Variants in RASA1 observed in about 807,000 individuals in gnomAD.
The protein encoded by RASA1 is RAS p21 protein activator 1, also known as ras GTPase-activating protein 1.
A neutral mutation model predicts 132.2 loss-of-function variants in RASA1; 25 were observed. The observed-to-expected ratio is 0.19, with a 90% CI of 0.14 to 0.26. RASA1 has a LOEUF of 0.26. Ranked by LOEUF, RASA1 falls within the 10% of genes least tolerant of loss-of-function variation. The pLI is 1.00. For synonymous variants in RASA1, 477 were observed against 449.9 expected (o/e 1.06, Z -0.76); for missense variants, 964 against 1,299.2 (o/e 0.74, Z 3.97).
intron 7 of RASA1, 61 bp from the exon 8 acceptor site, chr5:87,349,153 C>T: frequency 6.4e-7 from 1 of 1,573,152 alleles, no homozygotes; most frequent in Non-Finnish European, 8.7e-7. Context: ...AATAATACTA[C>T]TTAACATCTT....
chr5:87,272,418 G>A (rs1055222342), intron 1 of RASA1, among the ~76,000 whole-genome samples: 2 of 152,072 alleles, frequency 1.3e-5, no homozygotes, highest in African/African-American at 4.8e-5. Flanking sequence ...TGCAGATTCT[G>A]AAGTTAGACA....
In RASA1 at chr5:87,376,479, G is replaced by A; in HGVS notation, c.2098G>A (p.Gly700Ser). 1 of 1,613,992 alleles carries A rather than the reference G, an allele frequency of 6.2e-7. No homozygotes were observed. The highest frequency in any genetic ancestry group is 8.5e-7 in the Non-Finnish European group (1 of 1,179,968). The part of the protein sequence containing the change: ...FLLSSHIPLK[G>S]IEPGSLRVRA... ...GCTCAGCTCCCATATACCATTAAAA[G>A]GTATTGAACCAGGGTCCCTGCGTGT... The change falls in exon 16 of 25, where the codon GGT becomes AGT. Residue 700 changes from glycine (G) to serine (S), a missense_variant. Transcript: ENST00000274376.
chr5:87,377,369 C>T (rs1033946616), intron 17 of RASA1, among the ~76,000 whole-genome samples: 2 of 152,094 alleles, frequency 1.3e-5, no homozygotes, highest in East Asian at 3.8e-4. Context: ...GCATCTCAGT[C>T]GCCCAGGCTG....
Position 87,376,402 on chromosome 5 carries a change from G to T in RASA1, c.2021G>T (p.Arg674Leu). 6.2e-7 allele frequency: 1 copy of T among 1,613,698 alleles called. No homozygotes were observed. Among genetic ancestry groups the T allele is most frequent in the Non-Finnish European group, 8.5e-7 (1 of 1,179,928 alleles). The change falls in exon 16 of 25, where the codon CGC becomes CTC. Residue 674 changes from arginine to leucine, a missense_variant. Physicochemically the swap from Arg to Leu is moderately radical, Grantham distance 102. This residue lies in a region of RASA1 where 346 missense variants were observed against 520.1 expected (regional missense o/e 0.67). Transcript: ENST00000274376. ...TGTTTTTCTTCCCAAGTATTTATGC[G>T]CTGCCAGTTGAGCCGATTACAGAAA... Reference protein sequence around the residue: ...KSKDPDILFMRCQLSRLQKGH... With the variant: ...KSKDPDILFMLCQLSRLQKGH...
In RASA1 at chr5:87,268,812, A is replaced by G. The variant is rs754107588; in HGVS notation, c.361A>G (p.Thr121Ala). ...SGDMALTKLP[T>A]SLLAETLGPG... ...AGACATGGCTCTCACCAAACTGCCC[A>G]CTTCGTTGCTTGCTGAGACTCTCGG... Residue 121 changes from threonine (T) to alanine (A), a missense_variant, in exon 1 of 25, where the codon ACT becomes GCT. Thr to Ala is a moderately conservative substitution (Grantham distance 58). Coordinates refer to ENST00000274376, the MANE Select transcript of RASA1 (RefSeq NM_002890.3). 4.3e-6 allele frequency: 7 copies of G among 1,613,760 alleles called. No individual in the cohort carries two copies. The highest frequency in any genetic ancestry group is 5.1e-6 in the Non-Finnish European group (6 of 1,179,968).
chr5:87,287,022 T>G (rs1292462127), intron 1 of RASA1, among the ~76,000 whole-genome samples: 1 of 148,016 alleles, frequency 6.8e-6, no homozygotes, highest in Non-Finnish European at 1.5e-5. Flanking sequence ...ATACACCATA[T>G]ATATACCATA....
At chr5:87,359,244 G>A (rs1417990844) in intron 9 of RASA1, among the ~76,000 whole-genome samples, 1 of 152,138 alleles carries the variant, frequency 6.6e-6, no homozygotes, top group East Asian at 1.9e-4. Flanking sequence ...GCTTACACAT[G>A]TAACTTCTAG....
chr5:87,269,109 G>T, intron 1 of RASA1, 119 bp downstream of exon 1: 1 of 1,613,660 alleles, frequency 6.2e-7, no homozygotes, highest in Non-Finnish European at 8.5e-7. Flanking sequence ...AGTTTTTGAA[G>T]TTTCAGGTTT....
chr5:87,326,664 C>A (rs1427716215), intron 1 of RASA1, among the ~76,000 whole-genome samples: 1 of 152,048 alleles, frequency 6.6e-6, no homozygotes, highest in South Asian at 2.1e-4. Flanking sequence ...ACATACTATC[C>A]TTTATATTGC....
At chr5:87,351,569 T>C (rs1250109764) in intron 8 of RASA1, among the ~76,000 whole-genome samples, 6 of 151,794 alleles carry the variant, frequency 4.0e-5, no homozygotes, top group Non-Finnish European at 5.9e-5. Context: ...GAAACTCACG[T>C]TTATTTCAAA....
chr5:87,391,498 C>T lies in RASA1; in HGVS notation c.*615C>T, dbSNP rs1039532096. 2.1e-5 allele frequency: 5 copies of T among 237,842 alleles called. No individual in the cohort carries two copies. Among genetic ancestry groups the T allele is most frequent in the Non-Finnish European group, 4.2e-5 (5 of 120,356 alleles). 14.7% of individuals were successfully genotyped at this position (237,842 alleles called of 1,614,324 possible). A position where few individuals can be genotyped will look rare whatever the true frequency, so the allele number is the denominator to read the frequency against. ...AGAAAATATATAGAATGATCTATTG[C>T]TCATCAGCTTTATTTTTTAAACATA... is the stretch of plus-strand genomic sequence containing the variant. On this transcript the variant is annotated 3_prime_UTR_variant, in exon 25 of 25. Coordinates refer to ENST00000274376, the MANE Select transcript of RASA1 (RefSeq NM_002890.3).
At chr5:87,355,969 T>C (rs1038474805) in intron 9 of RASA1, among the ~76,000 whole-genome samples, 5 of 152,220 alleles carry the variant, frequency 3.3e-5, no homozygotes, top group African/African-American at 4.8e-5. Flanking sequence ...TACTCCACTT[T>C]TGTGATGAAA....
At chr5:87,273,832 G>C (rs1753954693) in intron 1 of RASA1, among the ~76,000 whole-genome samples, 1 of 151,716 alleles carries the variant, frequency 6.6e-6, no homozygotes, top group South Asian at 2.1e-4. Context: ...CCAGTAGCCG[G>C]GGTTACAGGT....
At position 87,379,908 on chromosome 5, in the gene RASA1, C is replaced by A. The variant is rs1761590117; in HGVS notation, c.2603+58C>A. On this transcript the variant is annotated intron_variant, in intron 19 of 24. Coordinates refer to ENST00000274376, the MANE Select transcript of RASA1 (RefSeq NM_002890.3). ...TGTGTATCTATGTCTTCAGAAATTT[C>A]TATTTCTAAAACGTGAAAGCTTTTC... The A allele has an allele frequency of 3.9e-6, 6 of 1,538,566 alleles. No homozygotes were observed. The South Asian group carries it at 4.6e-5, about 12-fold the overall frequency.
intron 9 of RASA1, 80 bp downstream of exon 9, chr5:87,353,315 G>A: frequency 1.8e-6 from 2 of 1,125,710 alleles, no homozygotes; most frequent in Non-Finnish European, 2.7e-6. Flanking sequence ...GCACACATTT[G>A]TACAATTCAA....
intron 15 of RASA1, chr5:87,376,160 CA>C: frequency 1.8e-6 from 1 of 562,272 alleles, no homozygotes; most frequent in African/African-American, 1.9e-5. Flanking sequence ...GACCTCTATG[CA>C]ACTCAAAGAA....
intron 1 of RASA1, among the ~76,000 whole-genome samples, chr5:87,313,532 A>G (rs1211274189): frequency 6.6e-6 from 1 of 152,202 alleles, no homozygotes; most frequent in Non-Finnish European, 1.5e-5. Context: ...TGTTTTCCTC[A>G]TCTCCCACCT....
At chr5:87,312,960 A>G (rs1166439931) in intron 1 of RASA1, among the ~76,000 whole-genome samples, 1 of 152,196 alleles carries the variant, frequency 6.6e-6, no homozygotes, top group Non-Finnish European at 1.5e-5. Context: ...CAGATTATTG[A>G]AGGAAAATGA....
At position 87,346,538 on chromosome 5, in the gene RASA1, G is replaced by C. The variant is rs16902630; in HGVS notation, c.1050-134G>C. On this transcript the variant is annotated intron_variant, in intron 6 of 24. Transcript: ENST00000274376. Reference sequence around the variant, plus strand: ...TATAAAATGTATTAAAATGTAATAAGAATGAGATGATTTGATTAATTGCAT... The same window carrying C: ...TATAAAATGTATTAAAATGTAATAACAATGAGATGATTTGATTAATTGCAT... 309 of 523,578 alleles carry C rather than the reference G, an allele frequency of 5.9e-4. 2 individuals are homozygous for C. In the East Asian group the frequency reaches 8.6e-3, roughly 15 times the overall value. 32.4% of individuals were successfully genotyped at this position (523,578 alleles called of 1,614,324 possible). A position where few individuals can be genotyped will look rare whatever the true frequency, so the allele number is the denominator to read the frequency against.
Sources: gnomAD v4.1 joint callset for allele counts (sites outside exome capture counted in the v4.1 genomes callset) on GRCh38, gnomAD v4.1.1 for gene constraint, gnomAD v4.1.1 regional missense constraint, MANE v1.5 for transcripts, NCBI Gene and HGNC (gene_info 2026-07-23, HGNC 2026-07-21) for gene names.